Variants in AHCTF1 observed in about 807,000 individuals in gnomAD.
AHCTF1 encodes protein ELYS.
A neutral mutation model predicts 248.4 loss-of-function variants in AHCTF1; 24 were observed. The ratio of observed to expected loss-of-function variants is 0.10; its 90% CI spans 0.07 to 0.14. The LOEUF is 0.14. Ranked by LOEUF, AHCTF1 falls within the 10% of genes least tolerant of loss-of-function variation. AHCTF1 has a pLI of 1.00. For synonymous variants in AHCTF1, 786 were observed against 929.8 expected (o/e 0.85, Z 2.81); for missense variants, 2,206 against 2,636.2 (o/e 0.84, Z 3.57).
At chr1:246,864,833 C>T (rs1281600049) in intron 26 of AHCTF1, among the ~76,000 whole-genome samples, 1 of 14,484 alleles carries the variant, frequency 6.9e-5, no homozygotes, top group Non-Finnish European at 8.8e-5. Flanking sequence ...GGCGACAGAG[C>T]GAGACTCCGT....
intron 24 of AHCTF1, among the ~76,000 whole-genome samples, chr1:246,868,905 T>A (rs368778976): frequency 6.7e-6 from 1 of 148,326 alleles, no homozygotes; most frequent in Non-Finnish European, 1.5e-5. Flanking sequence ...AGTGCAGTGG[T>A]GTGATCTCGG....
At chr1:246,889,773 C>CTTCA (rs1664091881) in intron 17 of AHCTF1, among the ~76,000 whole-genome samples, 193 bp downstream of exon 17, 1 of 152,266 alleles carries the variant, frequency 6.6e-6, no homozygotes, top group African/African-American at 2.4e-5. Context: ...ATTACCTTTA[C>CTTCA]TTCATTTCAA....
chr1:246,923,272 G>C (rs971979504), intron 1 of AHCTF1, among the ~76,000 whole-genome samples: 1 of 151,882 alleles, frequency 6.6e-6, no homozygotes, highest in Non-Finnish European at 1.5e-5. Context: ...AAAATTAGCT[G>C]GGCATGGTGA....
intron 4 of AHCTF1, 83 bp downstream of exon 4, chr1:246,913,149 T>TA (rs1379955792): frequency 8.3e-6 from 10 of 1,205,364 alleles, no homozygotes; most frequent in East Asian, 2.6e-5. Flanking sequence ...CCAGCTGCTA[T>TA]AAAAAAATTT....
chr1:246,867,164 A>T (rs1197246462), intron 26 of AHCTF1, 80 bp downstream of exon 26: 1 of 711,414 alleles, frequency 1.4e-6, no homozygotes, highest in Non-Finnish European at 2.2e-6. Flanking sequence ...AAGTCTATAA[A>T]ATGTTAAAGA....
intron 1 of AHCTF1, among the ~76,000 whole-genome samples, chr1:246,922,434 T>TC (rs1666608643): frequency 7.1e-6 from 1 of 140,724 alleles, no homozygotes; most frequent in Admixed American, 7.0e-5. Flanking sequence ...TTTTGGGTTG[T>TC]TTTTTTTTTT....
intron 1 of AHCTF1, among the ~76,000 whole-genome samples, chr1:246,927,706 A>G (rs1323010210): frequency 1.3e-5 from 2 of 152,224 alleles, no homozygotes; most frequent in Non-Finnish European, 2.9e-5. Flanking sequence ...CTGGCTTTGA[A>G]TGAAGATACT....
At chr1:246,913,184 A>G (rs1362484355) in intron 4 of AHCTF1, 48 bp downstream of exon 4, 25 of 1,448,088 alleles carry the variant, frequency 1.7e-5, no homozygotes, top group Non-Finnish European at 2.3e-5. Context: ...ATATTGCATC[A>G]GAATATCCAG....
At chr1:246,920,769 CA>C (rs770845244) in intron 1 of AHCTF1, among the ~76,000 whole-genome samples, 9,658 of 110,478 alleles carry the variant, frequency 0.087, 324 homozygotes, top group African/African-American at 0.12. Context: ...AACACTGTCT[CA>C]AAAAAAAAAA....
At chr1:246,855,028 A>C (rs1661013539) in intron 31 of AHCTF1, among the ~76,000 whole-genome samples, 1 of 152,266 alleles carries the variant, frequency 6.6e-6, no homozygotes, top group Admixed American at 6.5e-5. Context: ...CATGGGACAA[A>C]AACTAGTCTG....
chr1:246,863,582 T>C (rs1238014887), intron 27 of AHCTF1, among the ~76,000 whole-genome samples: 1 of 152,016 alleles, frequency 6.6e-6, no homozygotes, highest in Non-Finnish European at 1.5e-5. Flanking sequence ...TAAATAGCAT[T>C]TGATAGAAGA....
chr1:246,920,142 CAAA>C (rs68194249), intron 1 of AHCTF1, among the ~76,000 whole-genome samples: 454 of 40,788 alleles, frequency 0.011, 1 homozygote, highest in South Asian at 0.032. Context: ...CTGTCCCCCG[CAAA>C]AAAAAAAAAA....
chr1:246,882,515 T>TGCCGCTAAGGTGCTATGTGGGAC (rs1195531675), intron 21 of AHCTF1, among the ~76,000 whole-genome samples: 1 of 152,218 alleles, frequency 6.6e-6, no homozygotes, highest in Non-Finnish European at 1.5e-5. Flanking sequence ...AACTGTGGGA[T>TGCCGCTAAGGTGCTATGTGGGAC]GCCGCTAAGG....
At chr1:246,875,507 A>C (rs1271755042) in intron 24 of AHCTF1, among the ~76,000 whole-genome samples, 1 of 152,244 alleles carries the variant, frequency 6.6e-6, no homozygotes, top group African/African-American at 2.4e-5. Context: ...TTTTGAAAGA[A>C]GTTCTATGGC....
intron 29 of AHCTF1, among the ~76,000 whole-genome samples, chr1:246,858,298 G>GC (rs928369285): frequency 8.6e-5 from 13 of 151,994 alleles, no homozygotes; most frequent in African/African-American, 2.2e-4. Flanking sequence ...TAGCTCAAGA[G>GC]CCCCCCTTAA....
At chr1:246,843,451 C>T (rs979102555) in intron 34 of AHCTF1, among the ~76,000 whole-genome samples, 3 of 152,122 alleles carry the variant, frequency 2.0e-5, no homozygotes, top group Admixed American at 1.3e-4. Context: ...TTAAGGGACT[C>T]GCACTCAATC....
chr1:246,930,949 C>A (rs1278771638), intron 1 of AHCTF1, among the ~76,000 whole-genome samples: 1 of 152,128 alleles, frequency 6.6e-6, no homozygotes, highest in African/African-American at 2.4e-5. Flanking sequence ...ACAAAACACC[C>A]AAACCAAAAC....
Position 246,850,973 on chromosome 1 carries a change from T to C in AHCTF1, c.5033A>G (p.Asp1678Gly). ...IAENLLDVIK[D>G]TRSKEITSDT... ...TGAAGTAATTTCTTTACTTCTTGTG[T>C]CTTTAATTACATCTAGTAAATTTTC... The change falls in exon 33 of 36, where the codon GAC becomes GGC. Residue 1678 changes from aspartate (D) to glycine (G), a missense_variant. Asp to Gly is a moderately conservative substitution (Grantham distance 94, BLOSUM62 -1). Transcript: ENST00000648844. The C allele has an allele frequency of 6.2e-7, 1 of 1,613,986 alleles. No homozygotes were observed. Among genetic ancestry groups the C allele is most frequent in the Non-Finnish European group, 8.5e-7 (1 of 1,179,852 alleles).
chr1:246,861,038 T>G lies in AHCTF1; in HGVS notation c.3993A>C (p.Glu1331Asp), dbSNP rs1661505143. 1 of 1,613,990 alleles carries G rather than the reference T, an allele frequency of 6.2e-7. No individual in the cohort carries two copies. The highest frequency in any genetic ancestry group is 2.2e-5 in the East Asian group (1 of 44,874). The part of the protein sequence containing the change: ...YQDAPSPEDL[E>D]ETVFTASKPK... ...GCTTAGAGGCCGTGAAAACAGTCTC[T>G]TCAAGGTCTTCCGGTGACGGTGCAT... The change falls in exon 29 of 36, where the codon GAA becomes GAC. Residue 1331 changes from glutamate to aspartate, a missense_variant. Physicochemically the swap from Glu to Asp is conservative, Grantham distance 45. Transcript: ENST00000648844.
Sources: allele counts gnomAD v4.1 joint callset (sites outside exome capture counted in the v4.1 genomes callset), GRCh38; gene constraint gnomAD v4.1.1; transcripts MANE v1.5; gene names NCBI Gene and HGNC (gene_info 2026-07-23, HGNC 2026-07-21).